The following EPB41L4B variants were observed in gnomAD, a reference collection of about 807,000 sequenced individuals.
The protein encoded by EPB41L4B is erythrocyte membrane protein band 4.1 like 4B.
In EPB41L4B, 30 loss-of-function variants were observed where a neutral mutation model predicts 112.5. That is an observed-to-expected ratio of 0.27 (90% CI 0.20 to 0.36). The LOEUF is 0.36. EPB41L4B is among the 10% of genes least tolerant of loss of function. The pLI is 1.00. For missense variants in EPB41L4B, 1,024 were observed against 1,133.3 expected (o/e 0.90, Z 1.38); for synonymous variants, 408 against 439.7 (o/e 0.93, Z 0.90).
intron 20 of EPB41L4B, among the ~76,000 whole-genome samples, chr9:109,199,849 C>T (rs368777475): frequency 6.6e-6 from 1 of 152,142 alleles, no homozygotes; most frequent in African/African-American, 2.4e-5. Context: ...GACCTGATCC[C>T]TGTCAGCAAC....
intron 15 of EPB41L4B, among the ~76,000 whole-genome samples, chr9:109,225,817 G>T (rs1318629763): frequency 6.6e-6 from 1 of 152,186 alleles, no homozygotes; most frequent in Non-Finnish European, 1.5e-5. Context: ...GGGAGGGACT[G>T]CATAGGGTGC....
At chr9:109,318,929 T>A (rs944260916) in intron 1 of EPB41L4B, among the ~76,000 whole-genome samples, 1 of 152,208 alleles carries the variant, frequency 6.6e-6, no homozygotes, top group African/African-American at 2.4e-5. Flanking sequence ...AGGCTCTGAT[T>A]TTCCCATCTG....
At chr9:109,241,375 G>A in intron 15 of EPB41L4B, 2 of 1,146,070 alleles carry the variant, frequency 1.7e-6, no homozygotes, top group South Asian at 5.7e-5. Context: ...AGAACATCAG[G>A]AACATAGTAA....
rs571407130 is a variant in EPB41L4B at position 109,279,145 on chromosome 9, C to A, written c.411+672G>T. 2.0e-5 allele frequency among the ~76,000 whole-genome samples: 3 copies of A among 152,030 alleles called. No individual in the cohort carries two copies. In the South Asian group the frequency reaches 6.2e-4, roughly 32 times the overall value. Reference sequence around the variant, plus strand: ...CTGTAAGAAGATGGTGGCACAGCCTCTTCTGCTGGTTAAAAATAAAAGCAG... The same window carrying A: ...CTGTAAGAAGATGGTGGCACAGCCTATTCTGCTGGTTAAAAATAAAAGCAG... On this transcript the variant is annotated intron_variant, in intron 2 of 25. Coordinates refer to ENST00000374566, the MANE Select transcript of EPB41L4B (RefSeq NM_019114.5).
chr9:109,236,921 T>C (rs1459156035), intron 15 of EPB41L4B, among the ~76,000 whole-genome samples: 1 of 152,130 alleles, frequency 6.6e-6, no homozygotes, highest in Admixed American at 6.5e-5. Context: ...TCCTGGTACG[T>C]TTGGAAGACT....
chr9:109,275,365 G>A (rs557274993), intron 2 of EPB41L4B, among the ~76,000 whole-genome samples: 1 of 152,232 alleles, frequency 6.6e-6, no homozygotes, highest in South Asian at 2.1e-4. Context: ...ATTCCCTTCC[G>A]GGTCCATCTA....
At chr9:109,219,606 C>T (rs955820478) in intron 15 of EPB41L4B, among the ~76,000 whole-genome samples, 5 of 147,628 alleles carry the variant, frequency 3.4e-5, no homozygotes, top group African/African-American at 7.6e-5. Context: ...GTGATCCACC[C>T]GCCTCCCAAA....
intron 1 of EPB41L4B, among the ~76,000 whole-genome samples, chr9:109,282,834 G>A (rs949242829): frequency 5.9e-5 from 9 of 152,064 alleles, no homozygotes; most frequent in Non-Finnish European, 1.2e-4. Context: ...GGGATTACAG[G>A]CGTGCGCCAC....
At chr9:109,238,802 G>T (rs1834246347) in intron 15 of EPB41L4B, among the ~76,000 whole-genome samples, 1 of 152,200 alleles carries the variant, frequency 6.6e-6, no homozygotes, top group Non-Finnish European at 1.5e-5. Flanking sequence ...GGATGGGAGT[G>T]ACAGAATTCT....
chr9:109,263,538 G>A (rs753260856), intron 5 of EPB41L4B, among the ~76,000 whole-genome samples: 3 of 152,028 alleles, frequency 2.0e-5, no homozygotes, highest in Non-Finnish European at 4.4e-5. Flanking sequence ...ACACCATATC[G>A]AACACTGCCA....
rs760644996 is a variant in EPB41L4B at position 109,247,791 on chromosome 9, TAAAC to T, written c.1311-6_1311-3del. ...TGGACTTCTGGATTTGTTTTAGAGC[TAAAC>T]AAACAAACAAACAAAAAACAGAAAA... On this transcript the variant is annotated splice_polypyrimidine_tract_variant and splice_region_variant and intron_variant, in intron 13 of 25. Transcript: ENST00000374566. 1,029 of 1,492,558 alleles carry T rather than the reference TAAAC, an allele frequency of 6.9e-4. 2 individuals carry two copies. Among genetic ancestry groups the T allele is most frequent in the African/African-American group, 1.8e-3 (129 of 70,846 alleles). The allele number at this position is 1,492,558 out of a possible 1,614,324, so 92.5% of individuals were successfully genotyped here. A position where few individuals can be genotyped will look rare whatever the true frequency, so the allele number is the denominator to read the frequency against.
chr9:109,262,693 G>A (rs1241956573), intron 6 of EPB41L4B, among the ~76,000 whole-genome samples: 1 of 152,124 alleles, frequency 6.6e-6, no homozygotes, highest in Non-Finnish European at 1.5e-5. Flanking sequence ...TTTAAATGGG[G>A]CCCGAGGTCA....
intron 22 of EPB41L4B, 77 bp from the exon 23 acceptor site, chr9:109,185,682 G>C: frequency 9.2e-7 from 1 of 1,083,428 alleles, no homozygotes; most frequent in Non-Finnish European, 1.3e-6. Flanking sequence ...TAGGGGAAGG[G>C]AAAGGAGAGA....
chr9:109,287,155 G>A (rs567353788), intron 1 of EPB41L4B, among the ~76,000 whole-genome samples: 5 of 152,330 alleles, frequency 3.3e-5, no homozygotes, highest in African/African-American at 1.2e-4. Context: ...GCAGCCAGCA[G>A]GACAAGGGAT....
intron 11 of EPB41L4B, 52 bp from the exon 12 acceptor site, chr9:109,253,602 T>G (rs774920715): frequency 1.1e-5 from 13 of 1,191,078 alleles, no homozygotes; most frequent in Admixed American, 7.1e-5. Flanking sequence ...TCTCAGTACA[T>G]TACCTGTTTT....
At chr9:109,280,866 T>C (rs114841179) in intron 1 of EPB41L4B, among the ~76,000 whole-genome samples, 50 of 150,552 alleles carry the variant, frequency 3.3e-4, no homozygotes, top group African/African-American at 1.2e-3. Flanking sequence ...TGGAAACTGG[T>C]AAAGAAAGGG....
rs1833095752 is a variant in EPB41L4B, at chr9:109,209,651, A to G, written c.1753-1602T>C. 1.3e-5 allele frequency among the ~76,000 whole-genome samples: 2 copies of G among 151,920 alleles called. 1 individual carries two copies. Among genetic ancestry groups the G allele is most frequent in the South Asian group, 4.2e-4 (2 of 4,810 alleles). On this transcript the variant is annotated intron_variant, in intron 17 of 25. Transcript: ENST00000374566. ...AACAGAGCAAAACCCTGTCTCAAAA[A>G]AAAAAAAAAGATGCTGTTTATAAAA...
intron 15 of EPB41L4B, among the ~76,000 whole-genome samples, chr9:109,219,642 C>A (rs1404057229): frequency 6.6e-6 from 1 of 152,126 alleles, no homozygotes; most frequent in Non-Finnish European, 1.5e-5. Context: ...GCGTGAGCCA[C>A]CGTGCCTGGC....
At chr9:109,255,429 C>T in intron 11 of EPB41L4B, 82 bp downstream of exon 11, 1 of 1,523,766 alleles carries the variant, frequency 6.6e-7, no homozygotes, top group Non-Finnish European at 8.9e-7. Flanking sequence ...CTCAAATCCA[C>T]TACTCTATTC....
Sources: gnomAD v4.1 joint callset for allele counts (sites outside exome capture counted in the v4.1 genomes callset) on GRCh38, gnomAD v4.1.1 for gene constraint, MANE v1.5 for transcripts, NCBI Gene and HGNC (gene_info 2026-07-23, HGNC 2026-07-21) for gene names.